NMNAT2: variants seen among roughly 807,000 people sequenced by gnomAD.
The protein encoded by NMNAT2 is nicotinamide/nicotinic acid mononucleotide adenylyltransferase 2.
NMNAT2 carries 11 observed loss-of-function variants against 41.6 expected under a neutral mutation model. The ratio of observed to expected loss-of-function variants is 0.26; its 90% CI spans 0.17 to 0.44. NMNAT2 has a LOEUF of 0.44. Ranked by LOEUF, NMNAT2 falls within the 20% of genes least tolerant of loss-of-function variation. The pLI, the probability that NMNAT2 is intolerant of heterozygous loss-of-function variation, is 1.00. For synonymous variants in NMNAT2, 148 were observed against 151.2 expected (o/e 0.98, Z 0.16); for missense variants, 288 against 407.7 (o/e 0.71, Z 2.53).
chr1:183,388,310 T>C (rs1429492182), intron 1 of NMNAT2, among the ~76,000 whole-genome samples: 2 of 152,244 alleles, frequency 1.3e-5, no homozygotes, highest in African/African-American at 4.8e-5. Context: ...AGGTGAAACC[T>C]TAAGCAGGCA....
chr1:183,403,904 A>G (rs1217641034), intron 1 of NMNAT2, among the ~76,000 whole-genome samples: 1 of 152,216 alleles, frequency 6.6e-6, no homozygotes, highest in Non-Finnish European at 1.5e-5. Context: ...AAGAATTCAA[A>G]TGCTATTACA....
At chr1:183,295,067 G>A (rs1338533100) in intron 1 of NMNAT2, among the ~76,000 whole-genome samples, 3 of 152,254 alleles carry the variant, frequency 2.0e-5, no homozygotes, top group East Asian at 3.9e-4. Context: ...GCAGTGGTGC[G>A]ATCTTGGCTC....
intron 1 of NMNAT2, among the ~76,000 whole-genome samples, chr1:183,386,767 T>A (rs1230801263): frequency 3.3e-5 from 5 of 152,112 alleles, no homozygotes; most frequent in Admixed American, 2.0e-4. Context: ...TATATAGTTA[T>A]GTTGTGGAGC....
At chr1:183,296,665 A>G (rs966047999) in intron 1 of NMNAT2, among the ~76,000 whole-genome samples, 3 of 152,048 alleles carry the variant, frequency 2.0e-5, no homozygotes, top group South Asian at 4.2e-4. Context: ...GACGTGCACC[A>G]CCATACCCAG....
At chr1:183,370,223 TACACACACACACACACACACACACACAC>T (rs57569629) in intron 1 of NMNAT2, among the ~76,000 whole-genome samples, 4 of 112,732 alleles carry the variant, frequency 3.5e-5, no homozygotes, top group East Asian at 2.7e-4. Context: ...TATCAACACA[TACACACACACACACACACACACACACAC>T]ACACACACAC....
intron 10 of NMNAT2, among the ~76,000 whole-genome samples, chr1:183,253,599 A>C (rs1296757309): frequency 6.6e-6 from 1 of 151,640 alleles, no homozygotes; most frequent in Non-Finnish European, 1.5e-5. Context: ...TGCCCTCCAC[A>C]CTTGACCCTG....
At chr1:183,273,841 C>CCTTCCTTCCTT in intron 8 of NMNAT2, among the ~76,000 whole-genome samples, 1 of 79,164 alleles carries the variant, frequency 1.3e-5, no homozygotes, top group African/African-American at 6.6e-5. Context: ...CTCCCTCCCT[C>CCTTCCTTCCTT]CCTTCCTTCC....
At chr1:183,312,849 A>G (rs1571591602) in intron 1 of NMNAT2, among the ~76,000 whole-genome samples, 1 of 152,236 alleles carries the variant, frequency 6.6e-6, no homozygotes, top group African/African-American at 2.4e-5. Context: ...AAGTCCCTAA[A>G]TAAGTCCATG....
intron 1 of NMNAT2, among the ~76,000 whole-genome samples, chr1:183,320,597 A>C (rs1025057705): frequency 6.6e-6 from 1 of 152,194 alleles, no homozygotes. Context: ...GCGAGACTCC[A>C]TCTCAAGAAT....
intron 1 of NMNAT2, among the ~76,000 whole-genome samples, chr1:183,411,310 T>C (rs1158569235): frequency 1.3e-5 from 2 of 152,188 alleles, no homozygotes; most frequent in Admixed American, 6.5e-5. Flanking sequence ...CACTCATTAC[T>C]CATTCAATAA....
chr1:183,319,649 C>CCT (rs61069158), intron 1 of NMNAT2, among the ~76,000 whole-genome samples: 2,079 of 151,470 alleles, frequency 0.014, 39 homozygotes, highest in African/African-American at 0.047. Context: ...TTCTCCTCTG[C>CCT]CTCTCTCTCT....
intron 1 of NMNAT2, among the ~76,000 whole-genome samples, chr1:183,341,885 G>GA (rs1662825138): frequency 6.6e-6 from 1 of 152,026 alleles, no homozygotes; most frequent in African/African-American, 2.4e-5. Flanking sequence ...CTACCTGATG[G>GA]AATCTGTGCT....
chr1:183,410,075 G>T (rs1278414550), intron 1 of NMNAT2, among the ~76,000 whole-genome samples: 1 of 151,878 alleles, frequency 6.6e-6, no homozygotes, highest in Non-Finnish European at 1.5e-5. Context: ...TTGGGAGGCT[G>T]AGGCAGGCGG....
chr1:183,378,309 G>A (rs973883791), intron 1 of NMNAT2, among the ~76,000 whole-genome samples: 11 of 151,792 alleles, frequency 7.2e-5, no homozygotes, highest in South Asian at 2.1e-4. Context: ...TAGGATAATC[G>A]CTTAAACCTA....
intron 8 of NMNAT2, among the ~76,000 whole-genome samples, chr1:183,271,536 C>A (rs148192393): frequency 6.6e-6 from 1 of 152,146 alleles, no homozygotes; most frequent in Non-Finnish European, 1.5e-5. Context: ...AAGTGAATAA[C>A]GGCCAACATT....
intron 1 of NMNAT2, among the ~76,000 whole-genome samples, chr1:183,296,246 A>G (rs7545564): frequency 0.55 from 83,720 of 152,036 alleles, 24,381 homozygotes; most frequent in Non-Finnish European, 0.64. Context: ...TGCTGCTTCC[A>G]GTTTTTAGTG....
intron 1 of NMNAT2, among the ~76,000 whole-genome samples, chr1:183,363,287 T>C (rs188073956): frequency 1.6e-4 from 24 of 152,354 alleles, no homozygotes; most frequent in African/African-American, 5.5e-4. Context: ...TAAAAATTTC[T>C]CTGAACCTTA....
chr1:183,311,008 A>G (rs1411005358), intron 1 of NMNAT2, among the ~76,000 whole-genome samples: 1 of 152,118 alleles, frequency 6.6e-6, no homozygotes, highest in Non-Finnish European at 1.5e-5. Flanking sequence ...GTCGTAAGAG[A>G]TTAGTCCTAA....
intron 1 of NMNAT2, among the ~76,000 whole-genome samples, chr1:183,363,097 G>A (rs1663339942): frequency 6.6e-6 from 1 of 152,014 alleles, no homozygotes. Flanking sequence ...TATCTTCTTT[G>A]GAGAAATTTC....
Sources: allele counts gnomAD v4.1 joint callset (sites outside exome capture counted in the v4.1 genomes callset), GRCh38; gene constraint gnomAD v4.1.1; transcripts MANE v1.5; gene names NCBI Gene and HGNC (gene_info 2026-07-23, HGNC 2026-07-21).